Variants in NUP153 observed in about 807,000 individuals in gnomAD.
NUP153 encodes nuclear pore complex protein Nup153.
NUP153 carries 27 observed loss-of-function variants against 134.6 expected under a neutral mutation model. The observed-to-expected ratio is 0.20, with a 90% CI of 0.15 to 0.28. The LOEUF (loss-of-function observed/expected upper bound fraction) is 0.28. NUP153 is among the 10% of genes least tolerant of loss of function. The probability of loss-of-function intolerance (pLI) is 1.00; values close to 1 mark genes in which losing one functional copy is unlikely to be tolerated. For synonymous variants in NUP153, 640 were observed against 623.5 expected, an observed-to-expected ratio of 1.03 and a Z score of -0.40; for missense variants, 1,821 against 1,731.3, an observed-to-expected ratio of 1.05 and a Z score of -0.92.
intron 11 of NUP153, chr6:17,651,852 G>C (rs1382781462): frequency 1.5e-6 from 1 of 662,730 alleles, no homozygotes; most frequent in South Asian, 1.6e-5. Context: ...TCAGCACTTT[G>C]AGAGGCCAAG....
intron 17 of NUP153, among the ~76,000 whole-genome samples, chr6:17,631,193 C>T (rs1765233742): frequency 1.3e-5 from 2 of 152,296 alleles, no homozygotes; most frequent in South Asian, 4.1e-4. Context: ...GGGAACCTTA[C>T]ACCTACCAGA....
At chr6:17,677,073 G>A (rs186027367) in intron 2 of NUP153, among the ~76,000 whole-genome samples, 8 of 152,240 alleles carry the variant, frequency 5.3e-5, no homozygotes, top group African/African-American at 1.7e-4. Context: ...CAAAAGGTTC[G>A]CCCTTAAAAA....
intron 12 of NUP153, 144 bp downstream of exon 12, chr6:17,649,019 G>T: frequency 1.3e-6 from 1 of 760,124 alleles, no homozygotes; most frequent in Non-Finnish European, 2.0e-6. Flanking sequence ...TTTTAAAAAA[G>T]CAAAACAGCA....
intron 16 of NUP153, among the ~76,000 whole-genome samples, chr6:17,633,770 A>G (rs532705924): frequency 6.6e-6 from 1 of 152,208 alleles, no homozygotes; most frequent in Non-Finnish European, 1.5e-5. Flanking sequence ...TAGATGGCCT[A>G]CAACTGTCGC....
intron 1 of NUP153, among the ~76,000 whole-genome samples, chr6:17,694,428 G>A (rs972402738): frequency 1.3e-5 from 2 of 152,166 alleles, no homozygotes; most frequent in African/African-American, 2.4e-5. Flanking sequence ...GGAGGCCGAC[G>A]CGGGCGGATT....
intron 20 of NUP153, among the ~76,000 whole-genome samples, chr6:17,624,354 AAATAC>A (rs1469945552): frequency 2.6e-5 from 4 of 152,344 alleles, no homozygotes; most frequent in African/African-American, 9.6e-5. Context: ...TAACACTTTA[AAATAC>A]ATTACTACCT....
intron 9 of NUP153, among the ~76,000 whole-genome samples, chr6:17,663,208 A>G (rs1767297901): frequency 6.7e-6 from 1 of 150,118 alleles, no homozygotes; most frequent in South Asian, 2.1e-4. Context: ...GTAGAAGTCC[A>G]ATATTATGCT....
chr6:17,645,988 C>T, intron 14 of NUP153, 79 bp downstream of exon 14: 1 of 531,452 alleles, frequency 1.9e-6, no homozygotes, highest in Non-Finnish European at 3.3e-6. Flanking sequence ...ATAAGAATTA[C>T]CAAAGGTGAA....
chr6:17,649,588 CAT>C (rs1454299562), intron 11 of NUP153, among the ~76,000 whole-genome samples: 2 of 151,984 alleles, frequency 1.3e-5, no homozygotes, highest in Non-Finnish European at 2.9e-5. Flanking sequence ...TAATATGAAA[CAT>C]AAAGTTATAT....
chr6:17,701,974 C>T lies in NUP153; in HGVS notation c.111+4303G>A, dbSNP rs79437413. ...CTACCCACACCACCCCACCCCACCC[C>T]CATCCCGGGACAAAAAGGGCAAAAA... On this transcript the variant is annotated intron_variant, in intron 1 of 21. Transcript: ENST00000262077. 7.9e-3 allele frequency among the ~76,000 whole-genome samples: 1,204 copies of T among 152,114 alleles called. 9 individuals are homozygous for T. Among genetic ancestry groups the T allele is most frequent in the African/African-American group, 0.025 (1,055 of 41,444 alleles).
chr6:17,697,219 CAAGA>C (rs1769710611), intron 1 of NUP153, among the ~76,000 whole-genome samples: 1 of 152,114 alleles, frequency 6.6e-6, no homozygotes, highest in Non-Finnish European at 1.5e-5. Context: ...ATTCTCTCTC[CAAGA>C]AAGAAGGGTT....
rs369223299 is a variant in NUP153 at position 17,649,139 on chromosome 6, T to C, written c.1533+24A>G. ...GAATTAAGAAAGAACAAATGTCACC[T>C]GTATTTATATAATGGTTTTGTACCT... On this transcript the variant is annotated intron_variant, in intron 12 of 21. Coordinates refer to ENST00000262077, the MANE Select transcript of NUP153 (RefSeq NM_005124.4). 96 of 1,576,336 alleles carry C rather than the reference T, an allele frequency of 6.1e-5. 1 individual carries two copies. Among genetic ancestry groups the C allele is most frequent in the Middle Eastern group, 1.7e-4 (1 of 5,922 alleles).
intron 1 of NUP153, among the ~76,000 whole-genome samples, chr6:17,695,802 G>A (rs1026728526): frequency 2.0e-5 from 3 of 152,212 alleles, no homozygotes; most frequent in Admixed American, 6.5e-5. Flanking sequence ...GAGGTCAGGA[G>A]ATCGAGACCA....
chr6:17,663,747 A>G (rs1334790099), intron 9 of NUP153, among the ~76,000 whole-genome samples: 10 of 152,226 alleles, frequency 6.6e-5, no homozygotes, highest in Admixed American at 6.5e-4. Flanking sequence ...GAGATAAAAT[A>G]TAACTAAAGG....
At chr6:17,667,896 A>G (rs751163571) in intron 8 of NUP153, among the ~76,000 whole-genome samples, 2 of 152,114 alleles carry the variant, frequency 1.3e-5, no homozygotes, top group Non-Finnish European at 2.9e-5. Flanking sequence ...AAGGGCAGCA[A>G]GATATAATGA....
rs908296176 is a variant in NUP153 at position 17,638,626 on chromosome 6, A to G, written c.1847-856T>C. ...TTAACAGTAACCATCTCAAGGCATT[A>G]CAGATTTCTTTTTCTTCTACTTTTT... On this transcript the variant is annotated intron_variant, in intron 15 of 21. Coordinates refer to ENST00000262077, the MANE Select transcript of NUP153 (RefSeq NM_005124.4). This position sits in a 1 kb window ranked among gnomAD's most constrained non-coding sequence, Gnocchi z 4.0. Among the ~76,000 whole-genome samples the G allele has an allele frequency of 1.3e-5, 2 of 152,234 alleles. No individual in the cohort carries two copies. Among genetic ancestry groups the G allele is most frequent in the Admixed American group, 6.5e-5 (1 of 15,276 alleles).
At chr6:17,702,613 T>C (rs565526707) in intron 1 of NUP153, among the ~76,000 whole-genome samples, 1 of 151,286 alleles carries the variant, frequency 6.6e-6, no homozygotes, top group South Asian at 2.1e-4. Context: ...GAGGCAGAGG[T>C]TGCACTGAGC....
chr6:17,620,399 T>C (rs1309079216), intron 20 of NUP153, among the ~76,000 whole-genome samples: 1 of 152,206 alleles, frequency 6.6e-6, no homozygotes, highest in African/African-American at 2.4e-5. Flanking sequence ...GGGAAAAGGA[T>C]ACTCTCTTCA....
chr6:17,662,447 G>A (rs1472547657), intron 9 of NUP153, among the ~76,000 whole-genome samples: 1 of 152,116 alleles, frequency 6.6e-6, no homozygotes, highest in African/African-American at 2.4e-5. Flanking sequence ...TACTTCCACT[G>A]AAAGGAATCA....
Sources: allele counts gnomAD v4.1 joint callset (sites outside exome capture counted in the v4.1 genomes callset), GRCh38; gene constraint gnomAD v4.1.1; non-coding constraint Gnocchi (gnomAD v3.1); transcripts MANE v1.5; gene names NCBI Gene and HGNC (gene_info 2026-07-23, HGNC 2026-07-21).